The following VPS50 variants were observed in gnomAD, a reference collection of about 807,000 sequenced individuals.
VPS50 encodes the protein VPS50 subunit of EARP/GARPII complex, also known as syndetin.
Under a neutral mutation model 139.7 loss-of-function variants are expected in VPS50, and 70 were observed. That is an observed-to-expected ratio of 0.50 (90% confidence interval 0.41 to 0.61). The LOEUF is 0.61. Ranked by LOEUF, VPS50 falls within the 20% of genes least tolerant of loss-of-function variation. VPS50 has a pLI of 0.00. For missense variants in VPS50, 921 were observed against 1,133.7 expected (o/e 0.81, Z 2.69); for synonymous variants, 365 against 376.7 (o/e 0.97, Z 0.36).
At chr7:93,335,789 T>G (rs1798053854) in intron 22 of VPS50, among the ~76,000 whole-genome samples, 1 of 152,146 alleles carries the variant, frequency 6.6e-6, no homozygotes, top group African/African-American at 2.4e-5. Context: ...GGCCAGATTT[T>G]ACCACTAGGG....
At chr7:93,347,075 A>T (rs1018371827) in intron 23 of VPS50, among the ~76,000 whole-genome samples, 2 of 147,330 alleles carry the variant, frequency 1.4e-5, no homozygotes, top group Non-Finnish European at 3.0e-5. Flanking sequence ...CAACCTACTC[A>T]TCTGACAAAG....
chr7:93,237,594 A>T (rs563217222), intron 1 of VPS50, among the ~76,000 whole-genome samples: 1 of 152,304 alleles, frequency 6.6e-6, no homozygotes, highest in African/African-American at 2.4e-5. Context: ...GAAATTAAAT[A>T]TGATATATTT....
At chr7:93,233,651 G>T (rs1272613674) in intron 1 of VPS50, among the ~76,000 whole-genome samples, 1 of 152,170 alleles carries the variant, frequency 6.6e-6, no homozygotes, top group Non-Finnish European at 1.5e-5. Flanking sequence ...TAAGTAAGTG[G>T]CTAGTAACAT....
intron 12 of VPS50, among the ~76,000 whole-genome samples, chr7:93,289,094 A>G (rs1584432020): frequency 1.3e-5 from 2 of 152,054 alleles, no homozygotes; most frequent in South Asian, 4.1e-4. Flanking sequence ...GTTTCATCCA[A>G]GTTTTTTTTA....
At chr7:93,239,441 A>G (rs1032118379) in intron 1 of VPS50, among the ~76,000 whole-genome samples, 13 of 152,186 alleles carry the variant, frequency 8.5e-5, no homozygotes, top group Non-Finnish European at 1.8e-4. Context: ...GATTACTTAT[A>G]TGTTAGCTTA....
intron 12 of VPS50, among the ~76,000 whole-genome samples, chr7:93,278,686 C>T (rs1328988366): frequency 6.6e-6 from 1 of 150,584 alleles, no homozygotes; most frequent in Non-Finnish European, 1.5e-5. Flanking sequence ...TTATCCTTAT[C>T]CTTAGTTTCA....
intron 21 of VPS50, among the ~76,000 whole-genome samples, chr7:93,331,751 G>A (rs1440557918): frequency 6.6e-6 from 1 of 152,118 alleles, no homozygotes; most frequent in Non-Finnish European, 1.5e-5. Flanking sequence ...CTTCCTCATG[G>A]TTAACAACGT....
At position 93,253,875 on chromosome 7, in the gene VPS50, C is replaced by T; in HGVS notation, c.241C>T (p.Leu81Phe). 1.3e-6 allele frequency: 2 copies of T among 1,594,422 alleles called. No homozygotes were observed. The highest frequency in any genetic ancestry group is 3.3e-4 in the Middle Eastern group (2 of 5,998). Residue 81 changes from leucine to phenylalanine, a missense_variant, in exon 4 of 28, where the codon CTC becomes TTC. Coordinates refer to ENST00000305866, the MANE Select transcript of VPS50 (RefSeq NM_017667.4). ...TTTTCTGTAGAAGCTTCCACCTGTTCTCAATTTGCAAGAATTAGAGGCGTA... is the reference window on the plus strand; with the variant it reads ...TTTTCTGTAGAAGCTTCCACCTGTTTTCAATTTGCAAGAATTAGAGGCGTA... Reference protein sequence around the residue: ...KYELEKLPPVLNLQELEAYRD... With the variant: ...KYELEKLPPVFNLQELEAYRD...
chr7:93,311,212 C>T lies in VPS50; in HGVS notation c.1795C>T (p.Leu599=), dbSNP rs374860561. The T allele has an allele frequency of 1.8e-5, 26 of 1,438,646 alleles. 1 individual carries two copies. Among genetic ancestry groups the T allele is most frequent in the African/African-American group, 2.8e-5 (2 of 71,484 alleles). The allele number at this position is 1,438,646 out of a possible 1,614,324, so 89.1% of individuals were successfully genotyped here. A position where few individuals can be genotyped will look rare whatever the true frequency, so the allele number is the denominator to read the frequency against. The change falls in exon 20 of 28, where the codon CTA becomes TTA. Residue 599 remains leucine, a synonymous_variant. Coordinates refer to ENST00000305866, the MANE Select transcript of VPS50 (RefSeq NM_017667.4). ...LKSRKKSDYS[L]NKVNAPILTN... ...AAGCAGGAAGAAATCAGATTACAGT[C>T]TAAATAAAGTGAATGCACCTATCTT...
chr7:93,325,171 A>C (rs1218589085), intron 21 of VPS50, among the ~76,000 whole-genome samples: 2 of 152,316 alleles, frequency 1.3e-5, no homozygotes, highest in East Asian at 3.9e-4. Flanking sequence ...TCTTTGACAA[A>C]CCTGAGAAAA....
intron 23 of VPS50, among the ~76,000 whole-genome samples, chr7:93,341,938 T>C (rs891821085): frequency 6.6e-6 from 1 of 152,214 alleles, no homozygotes. Context: ...GTATAGTTGA[T>C]CCTTGACATC....
intron 21 of VPS50, among the ~76,000 whole-genome samples, chr7:93,325,160 A>ATCTT (rs1797733078): frequency 6.6e-6 from 1 of 152,204 alleles, no homozygotes; most frequent in African/African-American, 2.4e-5. Flanking sequence ...CAACTATCTG[A>ATCTT]TCTTTGACAA....
chr7:93,252,396 A>G (rs1311034912), intron 2 of VPS50, among the ~76,000 whole-genome samples: 1 of 152,094 alleles, frequency 6.6e-6, no homozygotes, highest in Non-Finnish European at 1.5e-5. Flanking sequence ...TAAAATTTTT[A>G]TCAACCTTGT....
intron 20 of VPS50, among the ~76,000 whole-genome samples, chr7:93,322,048 AAAGG>A (rs1245633048): frequency 6.6e-6 from 1 of 151,514 alleles, no homozygotes; most frequent in Non-Finnish European, 1.5e-5. Context: ...AAATAATTGC[AAAGG>A]ATGATTGTGA....
At chr7:93,241,974 C>T (rs896472155) in intron 2 of VPS50, among the ~76,000 whole-genome samples, 3 of 151,558 alleles carry the variant, frequency 2.0e-5, no homozygotes, top group Non-Finnish European at 2.9e-5. Context: ...AGCATTTTAA[C>T]AAAATGGAAA....
intron 23 of VPS50, among the ~76,000 whole-genome samples, chr7:93,345,886 A>C (rs1392974457): frequency 6.6e-6 from 1 of 152,326 alleles, no homozygotes; most frequent in East Asian, 1.9e-4. Context: ...GAATGGGCAA[A>C]AACTGGAAGC....
At chr7:93,263,113 C>T (rs1379374709) in intron 9 of VPS50, among the ~76,000 whole-genome samples, 1 of 150,782 alleles carries the variant, frequency 6.6e-6, no homozygotes, top group African/African-American at 2.4e-5. Flanking sequence ...TGCACCTGTT[C>T]TTGAGCTCTC....
chr7:93,339,003 G>A (rs931286463), intron 22 of VPS50, among the ~76,000 whole-genome samples: 1 of 152,150 alleles, frequency 6.6e-6, no homozygotes, highest in African/African-American at 2.4e-5. Flanking sequence ...TGGAAGGTGA[G>A]GAAGAAGGGG....
rs777129146 is a variant in VPS50 at position 93,341,597 on chromosome 7, C to T, written c.2207+22C>T. The T allele has an allele frequency of 2.5e-5, 38 of 1,541,954 alleles. No homozygotes were observed. The Admixed American group carries it at 4.2e-4, about 17-fold the overall frequency. On this transcript the variant is annotated intron_variant, in intron 23 of 27. Transcript: ENST00000305866. Reference sequence around the variant, plus strand: ...CCTTGTAAGTTGTTCAAAACAGTTGCGTTGCCATTAAATATTTAAGAAACT... The same window carrying T: ...CCTTGTAAGTTGTTCAAAACAGTTGTGTTGCCATTAAATATTTAAGAAACT...
Sources: gnomAD v4.1 joint callset for allele counts (sites outside exome capture counted in the v4.1 genomes callset) on GRCh38, gnomAD v4.1.1 for gene constraint, MANE v1.5 for transcripts, NCBI Gene and HGNC (gene_info 2026-07-23, HGNC 2026-07-21) for gene names.